The following POC5 variants were observed in gnomAD, a reference collection of about 807,000 sequenced individuals.
POC5 encodes centrosomal protein POC5.
POC5 carries 48 observed loss-of-function variants against 62.9 expected under a neutral mutation model. The observed-to-expected ratio is 0.76, with a 90% confidence interval of 0.61 to 0.97. The LOEUF (loss-of-function observed/expected upper bound fraction) is 0.97. Ranked by LOEUF, POC5 falls within the 50% of genes least tolerant of loss-of-function variation. POC5 has a pLI of 0.00. For synonymous variants in POC5, 236 were observed against 228.2 expected (o/e 1.03, Z -0.31); for missense variants, 696 against 679.5 (o/e 1.02, Z -0.27).
chr5:75,698,931 T>C (rs1395467961), intron 5 of POC5, among the ~76,000 whole-genome samples: 1 of 152,190 alleles, frequency 6.6e-6, no homozygotes, highest in African/African-American at 2.4e-5. Flanking sequence ...CAGAGAATAC[T>C]ACAAACACCT....
intron 10 of POC5, among the ~76,000 whole-genome samples, chr5:75,682,187 A>C (rs2112085734): frequency 8.0e-6 from 1 of 125,012 alleles, no homozygotes; most frequent in South Asian, 2.6e-4. Flanking sequence ...AGACTTCAAC[A>C]CTATCTCCGA....
At position 75,679,877 on chromosome 5, in the gene POC5, T is replaced by G. The variant is rs187267706; in HGVS notation, c.1408-1927A>C. ...AGAAATAATGATATAAACATACTAT[T>G]TAGGAAAAAATGGAAACAGAAGAAA... is the stretch of plus-strand genomic sequence containing the variant. On this transcript the variant is annotated intron_variant, in intron 10 of 11. Coordinates refer to ENST00000428202, the MANE Select transcript of POC5 (RefSeq NM_001099271.2). 3.5e-3 allele frequency among the ~76,000 whole-genome samples: 535 copies of G among 152,212 alleles called. 4 individuals are homozygous for G. The highest frequency in any genetic ancestry group is 0.012 in the African/African-American group (507 of 41,556).
chr5:75,692,350 T>C, intron 7 of POC5, 46 bp downstream of exon 7: 2 of 1,360,944 alleles, frequency 1.5e-6, no homozygotes, highest in South Asian at 2.8e-5. Context: ...CACTTCTGAA[T>C]TCAGAAGTCT....
chr5:75,689,856 T>C (rs946733886), intron 8 of POC5, among the ~76,000 whole-genome samples: 6 of 152,248 alleles, frequency 3.9e-5, no homozygotes, highest in Non-Finnish European at 8.8e-5. Context: ...AATTTTATTA[T>C]TAAAAGTCAA....
chr5:75,714,180 G>A (rs1777459790), intron 1 of POC5, among the ~76,000 whole-genome samples: 1 of 152,176 alleles, frequency 6.6e-6, no homozygotes, highest in East Asian at 1.9e-4. Context: ...AGGAGTTTGA[G>A]ACCAGCCTGG....
Position 75,690,550 on chromosome 5 carries a change from T to C in POC5, c.808A>G (p.Lys270Glu). The C allele has an allele frequency of 6.3e-7, 1 of 1,577,390 alleles. No homozygotes were observed. The highest frequency in any genetic ancestry group is 8.6e-7 in the Non-Finnish European group (1 of 1,160,950). ...CTCTGGTAGTACTGGTCAGCTAGTTTACCTTCATAAACCTAAATAAAAGTA... is the reference window on the plus strand; with the variant it reads ...CTCTGGTAGTACTGGTCAGCTAGTTCACCTTCATAAACCTAAATAAAAGTA... The part of the protein sequence containing the change: ...VRARQDVYEG[K>E]LADQYYQRTL... The change falls in exon 8 of 12, where the codon AAA becomes GAA. Residue 270 changes from lysine (K) to glutamate (E), a missense_variant. Coordinates refer to ENST00000428202, the MANE Select transcript of POC5 (RefSeq NM_001099271.2).
chr5:75,696,280 A>G (rs1480942752), intron 5 of POC5, among the ~76,000 whole-genome samples: 3 of 152,284 alleles, frequency 2.0e-5, no homozygotes, highest in African/African-American at 7.2e-5. Flanking sequence ...AAACAAAAAG[A>G]CAGCAGTAAC....
intron 5 of POC5, among the ~76,000 whole-genome samples, chr5:75,697,642 A>C (rs950674514): frequency 7.9e-5 from 12 of 152,192 alleles, no homozygotes; most frequent in African/African-American, 2.7e-4. Flanking sequence ...AAGAAACTGC[A>C]TCAACTAACG....
intron 2 of POC5, among the ~76,000 whole-genome samples, chr5:75,708,936 G>A (rs1185761000): frequency 6.6e-6 from 1 of 152,028 alleles, no homozygotes; most frequent in Non-Finnish European, 1.5e-5. Flanking sequence ...AGGTTCAAGC[G>A]ATTCTCCTGC....
chr5:75,708,824 T>C (rs1341370098), intron 2 of POC5, among the ~76,000 whole-genome samples: 2 of 152,188 alleles, frequency 1.3e-5, no homozygotes, highest in Non-Finnish European at 2.9e-5. Context: ...GATTTCTTGA[T>C]TTACAATTTT....
At chr5:75,714,371 C>T (rs1308136763) in intron 1 of POC5, among the ~76,000 whole-genome samples, 1 of 151,556 alleles carries the variant, frequency 6.6e-6, no homozygotes, top group Non-Finnish European at 1.5e-5. Context: ...GACAGAGACT[C>T]CGTCTCAAAA....
At chr5:75,710,520 C>G (rs1400524831) in intron 2 of POC5, among the ~76,000 whole-genome samples, 1 of 152,138 alleles carries the variant, frequency 6.6e-6, no homozygotes, top group Non-Finnish European at 1.5e-5. Context: ...TGCATGCTCT[C>G]CTCCCACCTG....
In POC5 at chr5:75,680,989, A is replaced by G. The variant is rs73763393; in HGVS notation, c.1408-3039T>C. On this transcript the variant is annotated intron_variant, in intron 10 of 11. Transcript: ENST00000428202. ...GGTACCAATCATGTTGGAGTTCATT[A>G]AATTTATCAGCTTAGCTGACTTTAA... Among the ~76,000 whole-genome samples the G allele has an allele frequency of 8.0e-3, 1,222 of 152,282 alleles. 18 individuals are homozygous for G. Among genetic ancestry groups the G allele is most frequent in the African/African-American group, 0.027 (1,108 of 41,572 alleles).
intron 8 of POC5, among the ~76,000 whole-genome samples, chr5:75,690,018 G>A (rs993777096): frequency 1.3e-5 from 2 of 151,976 alleles, no homozygotes; most frequent in Non-Finnish European, 2.9e-5. Flanking sequence ...CCCGAGTAGC[G>A]GGTATTATAG....
chr5:75,692,268 G>C, intron 7 of POC5, 128 bp downstream of exon 7: 1 of 568,326 alleles, frequency 1.8e-6, no homozygotes, highest in East Asian at 3.4e-5. Context: ...AAATTCCTTT[G>C]AAATAAGAGG....
chr5:75,693,198 G>T (rs1776418651), intron 6 of POC5, among the ~76,000 whole-genome samples: 2 of 149,032 alleles, frequency 1.3e-5, no homozygotes, highest in African/African-American at 4.9e-5. Flanking sequence ...TGTTATTAAT[G>T]TTATATGTTG....
intron 10 of POC5, among the ~76,000 whole-genome samples, chr5:75,683,779 T>C (rs77065085): frequency 1.4e-4 from 21 of 151,258 alleles, no homozygotes; most frequent in Middle Eastern, 7.0e-3. Flanking sequence ...TCATAACTCA[T>C]AGTAACCTTG....
At chr5:75,712,650 A>C in intron 2 of POC5, 1 of 709,224 alleles carries the variant, frequency 1.4e-6, no homozygotes, top group Admixed American at 2.8e-5. Flanking sequence ...GTGTATGAAG[A>C]GTTCATCAAT....
rs770607711 is a variant in POC5, at chr5:75,689,068, C to A, written c.1073G>T (p.Gly358Val). Residue 358 changes from glycine to valine, a missense_variant, in exon 9 of 12, where the codon GGT becomes GTT. Transcript: ENST00000428202. The stretch of plus-strand genomic sequence containing the variant: ...GGCTTCAAGATTTAATGCACATACA[C>A]CCCTCATGAAAGCTTTTTTCATGGA... ...EDSMKKAFMR[G>V]VCALNLEAMT... The A allele has an allele frequency of 1.1e-5, 18 of 1,606,578 alleles. No homozygotes were observed. Among genetic ancestry groups the A allele is most frequent in the Non-Finnish European group, 1.4e-5 (17 of 1,176,428 alleles).
Sources: allele counts gnomAD v4.1 joint callset (sites outside exome capture counted in the v4.1 genomes callset), GRCh38; gene constraint gnomAD v4.1.1; transcripts MANE v1.5; gene names NCBI Gene and HGNC (gene_info 2026-07-23, HGNC 2026-07-21).